The following NPFFR2 variants were observed in gnomAD, a reference collection of about 807,000 sequenced individuals.
NPFFR2 encodes G-protein coupled receptor 74.
A neutral mutation model predicts 13.1 loss-of-function variants in NPFFR2; 15 were observed. The ratio of observed to expected loss-of-function variants is 1.15; its 90% CI spans 0.77 to 1.76. NPFFR2 has a LOEUF of 1.76. Ranked by LOEUF, NPFFR2 falls within the 40% of genes most tolerant of loss-of-function variation. The probability of loss-of-function intolerance (pLI) is 0.00; values close to 1 mark genes in which losing one functional copy is unlikely to be tolerated. For missense variants in NPFFR2, 572 were observed against 503.5 expected (o/e 1.14, Z -1.30); for synonymous variants, 190 against 175.7 (o/e 1.08, Z -0.65).
chr4:72,056,199 GC>G (rs1193010536), intron 1 of NPFFR2, among the ~76,000 whole-genome samples: 1 of 151,978 alleles, frequency 6.6e-6, no homozygotes, highest in East Asian at 1.9e-4. Flanking sequence ...TCAAAGGACA[GC>G]CTGATAAGGC....
intron 3 of NPFFR2, among the ~76,000 whole-genome samples, chr4:72,141,366 A>G (rs1453001808): frequency 1.3e-5 from 2 of 152,138 alleles, no homozygotes; most frequent in African/African-American, 4.8e-5. Context: ...TGTGGATTTT[A>G]GATCTTTCCT....
At chr4:72,142,236 TG>T (rs754132472) in intron 3 of NPFFR2, among the ~76,000 whole-genome samples, 8 of 152,188 alleles carry the variant, frequency 5.3e-5, no homozygotes, top group Non-Finnish European at 1.2e-4. Context: ...GTCTTTTAAT[TG>T]GGGCATTTAT....
chr4:72,112,183 CA>C (rs1195416541), intron 1 of NPFFR2, among the ~76,000 whole-genome samples: 1 of 151,990 alleles, frequency 6.6e-6, no homozygotes, highest in African/African-American at 2.4e-5. Flanking sequence ...TGATTCTCAT[CA>C]GTTGATTTGA....
Position 72,041,871 on chromosome 4 carries a change from G to T in NPFFR2, c.-8+9671G>T, listed in dbSNP as rs114288034. 5.6e-3 allele frequency among the ~76,000 whole-genome samples: 855 copies of T among 152,170 alleles called. 5 individuals carry two copies. The highest frequency in any genetic ancestry group is 0.02 in the African/African-American group (822 of 41,528). On this transcript the variant is annotated intron_variant, in intron 1 of 3. Transcript: ENST00000308744. ...TTTTTCTTGATTTAAGCTCCTTATA[G>T]ATTGTGGATATTAGACCTTTGTTGG... is the stretch of plus-strand genomic sequence containing the variant.
At chr4:72,133,125 T>C (rs1274640452) in intron 2 of NPFFR2, among the ~76,000 whole-genome samples, 5 of 152,178 alleles carry the variant, frequency 3.3e-5, no homozygotes, top group Non-Finnish European at 7.4e-5. Flanking sequence ...AGAGTTTTCA[T>C]AGTTTTGGGT....
At chr4:72,139,597 G>A (rs1722531574) in intron 3 of NPFFR2, among the ~76,000 whole-genome samples, 1 of 152,120 alleles carries the variant, frequency 6.6e-6, no homozygotes, top group Non-Finnish European at 1.5e-5. Context: ...TGAGGCCTCT[G>A]TTCTGTTCCA....
At chr4:72,103,577 T>G (rs1721321032) in intron 1 of NPFFR2, among the ~76,000 whole-genome samples, 1 of 152,138 alleles carries the variant, frequency 6.6e-6, no homozygotes, top group African/African-American at 2.4e-5. Flanking sequence ...TGACTAATTC[T>G]TGAAGATTAG....
chr4:72,041,436 G>C (rs577311856), intron 1 of NPFFR2, among the ~76,000 whole-genome samples: 2 of 152,170 alleles, frequency 1.3e-5, no homozygotes, highest in East Asian at 3.9e-4. Context: ...CTTTATTATT[G>C]TGAATAGTGC....
At chr4:72,097,061 C>G (rs998165079) in intron 1 of NPFFR2, among the ~76,000 whole-genome samples, 1 of 151,780 alleles carries the variant, frequency 6.6e-6, no homozygotes, top group Non-Finnish European at 1.5e-5. Context: ...TTTTAGTTTT[C>G]TAGATAATTG....
chr4:72,070,056 A>T (rs1344685099), intron 1 of NPFFR2, among the ~76,000 whole-genome samples: 1 of 152,128 alleles, frequency 6.6e-6, no homozygotes, highest in African/African-American at 2.4e-5. Context: ...TTTACACCCA[A>T]TTAAACCAAG....
At chr4:72,124,307 A>G (rs1721973246) in intron 1 of NPFFR2, among the ~76,000 whole-genome samples, 1 of 152,200 alleles carries the variant, frequency 6.6e-6, no homozygotes, top group African/African-American at 2.4e-5. Flanking sequence ...ATATCATGAA[A>G]AATGGCCTTC....
At chr4:72,053,958 A>G in intron 1 of NPFFR2, among the ~76,000 whole-genome samples, 1 of 151,900 alleles carries the variant, frequency 6.6e-6, no homozygotes, top group Non-Finnish European at 1.5e-5. Context: ...TAAAAATCAT[A>G]AACAGTATTG....
chr4:72,032,083 T>A lies in NPFFR2; in HGVS notation c.-125T>A. ...CAGTCCGCGGGGGACAGACGTCGGC[T>A]GGGATTGAGCCGGCAGACTGCGAAA... On this transcript the variant is annotated 5_prime_UTR_variant, in exon 1 of 4. Coordinates refer to ENST00000308744, the MANE Select transcript of NPFFR2 (RefSeq NM_004885.3). 1.9e-6 allele frequency: 3 copies of A among 1,614,020 alleles called. No homozygotes were observed. The highest frequency in any genetic ancestry group is 2.5e-6 in the Non-Finnish European group (3 of 1,179,954).
At chr4:72,142,720 A>C (rs1722669496) in intron 3 of NPFFR2, among the ~76,000 whole-genome samples, 1 of 152,228 alleles carries the variant, frequency 6.6e-6, no homozygotes, top group African/African-American at 2.4e-5. Flanking sequence ...GACGTTTCTA[A>C]CAGCAGAAAT....
At chr4:72,070,466 C>T (rs1201342028) in intron 1 of NPFFR2, among the ~76,000 whole-genome samples, 2 of 151,266 alleles carry the variant, frequency 1.3e-5, no homozygotes, top group African/African-American at 4.9e-5. Flanking sequence ...TCCTTGGCTA[C>T]AAGTATCAAT....
intron 1 of NPFFR2, among the ~76,000 whole-genome samples, chr4:72,092,043 A>T (rs1202783707): frequency 1.3e-5 from 2 of 151,974 alleles, no homozygotes; most frequent in Non-Finnish European, 2.9e-5. Context: ...TATCACTATT[A>T]TCATTCAATT....
intron 1 of NPFFR2, among the ~76,000 whole-genome samples, chr4:72,126,320 C>G (rs1447827597): frequency 6.6e-6 from 1 of 152,192 alleles, no homozygotes; most frequent in Non-Finnish European, 1.5e-5. Flanking sequence ...CTGCTTTAAG[C>G]AGTCATTTAT....
Position 72,032,000 on chromosome 4 carries a change from A to G in NPFFR2, c.-208A>G, listed in dbSNP as rs1360328272. The G allele has an allele frequency of 6.2e-7, 1 of 1,613,534 alleles. No individual in the cohort carries two copies. Among genetic ancestry groups the G allele is most frequent in the Non-Finnish European group, 8.5e-7 (1 of 1,179,706 alleles). On this transcript the variant is annotated 5_prime_UTR_variant, in exon 1 of 4. Coordinates refer to ENST00000308744, the MANE Select transcript of NPFFR2 (RefSeq NM_004885.3). ...AGGAGGCGGGGAGGGAGCGCAGAGC[A>G]CTCAGCGTCCAGCAGCGCGGCGGGC... is the stretch of plus-strand genomic sequence containing the variant.
intron 1 of NPFFR2, among the ~76,000 whole-genome samples, chr4:72,096,771 G>A (rs1186571331): frequency 6.6e-6 from 1 of 151,864 alleles, no homozygotes; most frequent in African/African-American, 2.4e-5. Context: ...TTATACAGAT[G>A]CTCCTTGACT....
Sources: gnomAD v4.1 joint callset for allele counts (sites outside exome capture counted in the v4.1 genomes callset) on GRCh38, gnomAD v4.1.1 for gene constraint, MANE v1.5 for transcripts, NCBI Gene and HGNC (gene_info 2026-07-23, HGNC 2026-07-21) for gene names.